The following XKR6 variants were observed in gnomAD, a reference collection of about 807,000 sequenced individuals.
XKR6 encodes XK-related protein 6.
A neutral mutation model predicts 56.7 loss-of-function variants in XKR6; 22 were observed. That is an observed-to-expected ratio of 0.39 (90% CI 0.28 to 0.55). The LOEUF (loss-of-function observed/expected upper bound fraction) is 0.55. Ranked by LOEUF, XKR6 falls within the 20% of genes least tolerant of loss-of-function variation. The pLI, the probability that XKR6 is intolerant of heterozygous loss-of-function variation, is 0.66. For missense variants in XKR6, 852 were observed against 889.0 expected (o/e 0.96, Z 0.53); for synonymous variants, 524 against 387.8 (o/e 1.35, Z -4.13).
chr8:11,038,498 TG>T (rs1799202604), intron 1 of XKR6, among the ~76,000 whole-genome samples: 6 of 7,468 alleles, frequency 8.0e-4, no homozygotes, highest in African/African-American at 5.6e-3. Flanking sequence ...GTAGTCATTT[TG>T]TGTGTGTGTG....
At chr8:10,998,985 A>ATT (rs1798178852) in intron 1 of XKR6, among the ~76,000 whole-genome samples, 1 of 152,174 alleles carries the variant, frequency 6.6e-6, no homozygotes, top group Admixed American at 6.5e-5. Flanking sequence ...CATCAGGAAA[A>ATT]CCTAGCTCCA....
At chr8:10,966,407 C>T (rs573902268) in intron 1 of XKR6, among the ~76,000 whole-genome samples, 90 of 152,158 alleles carry the variant, frequency 5.9e-4, no homozygotes, top group African/African-American at 3.1e-4. Flanking sequence ...TGGTGGCTCA[C>T]GCCTGTAATC....
intron 2 of XKR6, among the ~76,000 whole-genome samples, chr8:10,911,939 A>G (rs1238250072): frequency 2.0e-5 from 3 of 150,488 alleles, no homozygotes; most frequent in African/African-American, 7.3e-5. Flanking sequence ...CTGTATACAT[A>G]TATGTAGAGA....
intron 1 of XKR6, among the ~76,000 whole-genome samples, chr8:10,954,502 A>G (rs1471906667): frequency 6.6e-6 from 1 of 152,148 alleles, no homozygotes; most frequent in East Asian, 1.9e-4. Context: ...CCATTTATTA[A>G]TTGGGTTTTC....
intron 2 of XKR6, among the ~76,000 whole-genome samples, chr8:10,911,120 C>T (rs939275502): frequency 1.3e-5 from 2 of 151,932 alleles, no homozygotes; most frequent in African/African-American, 4.8e-5. Flanking sequence ...CTGACTCTCT[C>T]CAAGCCTCAG....
At chr8:10,944,125 G>C (rs1801465537) in intron 1 of XKR6, among the ~76,000 whole-genome samples, 1 of 152,014 alleles carries the variant, frequency 6.6e-6, no homozygotes, top group Non-Finnish European at 1.5e-5. Context: ...GCCCACCACG[G>C]TAACATCCAA....
intron 1 of XKR6, among the ~76,000 whole-genome samples, chr8:11,045,955 G>C (rs78582102): frequency 0.027 from 4,103 of 152,332 alleles, 193 homozygotes; most frequent in African/African-American, 0.092. Flanking sequence ...CAAGGATGCA[G>C]AGAAACTGGT....
chr8:11,105,358 T>A (rs771517467), intron 1 of XKR6: 3 of 152,222 alleles, frequency 2.0e-5, no homozygotes, highest in Non-Finnish European at 4.4e-5. Context: ...GAAGTCCCCA[T>A]CCTGTCCTTT....
At chr8:11,082,281 A>T (rs1313361313) in intron 1 of XKR6, among the ~76,000 whole-genome samples, 2 of 152,174 alleles carry the variant, frequency 1.3e-5, no homozygotes, top group Non-Finnish European at 2.9e-5. Context: ...ACATCTCCCA[A>T]AGTCTACGTG....
intron 1 of XKR6, among the ~76,000 whole-genome samples, chr8:10,952,621 T>G (rs984038011): frequency 6.6e-6 from 1 of 152,164 alleles, no homozygotes; most frequent in African/African-American, 2.4e-5. Flanking sequence ...GCCTGGCTAA[T>G]TTTCTTTATT....
intron 1 of XKR6, among the ~76,000 whole-genome samples, chr8:11,013,936 C>T (rs1276607986): frequency 2.6e-5 from 4 of 152,316 alleles, no homozygotes; most frequent in Non-Finnish European, 5.9e-5. Context: ...CATCCAGGCC[C>T]GCAGGACAGA....
chr8:11,120,452 T>C (rs1045386514), intron 1 of XKR6, among the ~76,000 whole-genome samples: 1 of 152,102 alleles, frequency 6.6e-6, no homozygotes, highest in Non-Finnish European at 1.5e-5. Flanking sequence ...TCACAGAGAA[T>C]AAAATGTCTA....
chr8:11,048,841 C>T (rs1799474442), intron 1 of XKR6, among the ~76,000 whole-genome samples: 1 of 152,230 alleles, frequency 6.6e-6, no homozygotes, highest in South Asian at 2.1e-4. Context: ...TGTCCTCTCG[C>T]TGGCCTCCCC....
chr8:10,938,656 G>C (rs1348202015), intron 1 of XKR6, among the ~76,000 whole-genome samples: 1 of 152,194 alleles, frequency 6.6e-6, no homozygotes, highest in Non-Finnish European at 1.5e-5. Flanking sequence ...CCAGAGGGAT[G>C]GAGAACAGAT....
intron 1 of XKR6, among the ~76,000 whole-genome samples, chr8:11,099,369 A>C (rs1342543011): frequency 6.6e-6 from 1 of 152,252 alleles, no homozygotes; most frequent in East Asian, 1.9e-4. Context: ...CATTTTTAAA[A>C]GATGATGCTT....
chr8:11,178,470 C>G (rs758704395), intron 1 of XKR6, among the ~76,000 whole-genome samples: 1 of 150,264 alleles, frequency 6.7e-6, no homozygotes, highest in Admixed American at 6.6e-5. Context: ...AAATAAAGGA[C>G]ACCAAATGTC....
rs185074821 is a variant in XKR6 at position 10,913,189 on chromosome 8, T to C, written c.961+11445A>G. On this transcript the variant is annotated intron_variant, in intron 2 of 2. Coordinates refer to ENST00000416569, the MANE Select transcript of XKR6 (RefSeq NM_173683.4). ...GTGTATATAGTCTCTATATTTATAC[T>C]CAATATATATTTGAAATTACATTGT... 6.7e-3 allele frequency among the ~76,000 whole-genome samples: 1,017 copies of C among 151,972 alleles called. 14 individuals are homozygous for C. Among genetic ancestry groups the C allele is most frequent in the African/African-American group, 0.024 (980 of 41,394 alleles).
intron 1 of XKR6, among the ~76,000 whole-genome samples, chr8:11,150,627 T>C (rs1469111565): frequency 1.3e-5 from 2 of 151,880 alleles, no homozygotes; most frequent in African/African-American, 4.8e-5. Flanking sequence ...CCAAGGCGGG[T>C]GGATCACCTG....
At chr8:11,120,140 C>A (rs1283827049) in intron 1 of XKR6, among the ~76,000 whole-genome samples, 1 of 152,196 alleles carries the variant, frequency 6.6e-6, no homozygotes, top group African/African-American at 2.4e-5. Context: ...CAGGGAGGCG[C>A]TCTCTCACCA....
Sources: gnomAD v4.1 joint callset for allele counts (sites outside exome capture counted in the v4.1 genomes callset) on GRCh38, gnomAD v4.1.1 for gene constraint, MANE v1.5 for transcripts, NCBI Gene and HGNC (gene_info 2026-07-23, HGNC 2026-07-21) for gene names.